The following ALK variants were observed in gnomAD, a reference collection of about 807,000 sequenced individuals.
ALK encodes ALK receptor tyrosine kinase.
A neutral mutation model predicts 163.1 loss-of-function variants in ALK; 74 were observed. That is an observed-to-expected ratio of 0.45 (90% CI 0.38 to 0.55). ALK has a LOEUF of 0.55. Ranked by LOEUF, ALK falls within the 20% of genes least tolerant of loss-of-function variation. The probability of loss-of-function intolerance (pLI) is 0.00; values close to 1 mark genes in which losing one functional copy is unlikely to be tolerated. For missense variants in ALK, 2,063 were observed against 2,105.3 expected, an observed-to-expected ratio of 0.98 and a Z score of 0.39; for synonymous variants, 960 against 843.2, an observed-to-expected ratio of 1.14 and a Z score of -2.40.
At chr2:29,844,952 A>G (rs2148397028) in intron 1 of ALK, among the ~76,000 whole-genome samples, 1 of 151,412 alleles carries the variant, frequency 6.6e-6, no homozygotes, top group South Asian at 2.1e-4. Context: ...CAGGCTGTGG[A>G]CCTCAACTCT....
chr2:29,601,552 G>A lies in ALK; in HGVS notation c.953-69436C>T, dbSNP rs1444201816. 2.0e-5 allele frequency among the ~76,000 whole-genome samples: 3 copies of A among 152,116 alleles called. No homozygotes were observed. The East Asian group carries it at 5.8e-4, about 29-fold the overall frequency. On this transcript the variant is annotated intron_variant, in intron 3 of 28. Transcript: ENST00000389048. The stretch of plus-strand genomic sequence containing the variant: ...CCATTAATCTTGGTGGAAGCATCAA[G>A]AGTACCAGTGGATTTTTTCTTCAGT...
intron 3 of ALK, among the ~76,000 whole-genome samples, chr2:29,645,310 A>C (rs1676840238): frequency 6.6e-6 from 1 of 152,090 alleles, no homozygotes; most frequent in African/African-American, 2.4e-5. Flanking sequence ...TACAAATATA[A>C]ATGAGGTGTC....
At chr2:29,835,905 A>G (rs1665545468) in intron 1 of ALK, among the ~76,000 whole-genome samples, 1 of 152,192 alleles carries the variant, frequency 6.6e-6, no homozygotes, top group African/African-American at 2.4e-5. Flanking sequence ...CTTTTTCTTT[A>G]CAAATCACCC....
chr2:29,327,081 G>A (rs574497845), intron 6 of ALK, among the ~76,000 whole-genome samples: 326 of 152,350 alleles, frequency 2.1e-3, no homozygotes, highest in African/African-American at 7.4e-3. Context: ...TTCTGGAAGC[G>A]TTGGTGGTTT....
At chr2:29,847,296 C>T (rs560925114) in intron 1 of ALK, among the ~76,000 whole-genome samples, 40 of 152,204 alleles carry the variant, frequency 2.6e-4, no homozygotes, top group African/African-American at 8.9e-4. Flanking sequence ...GTGGTAGGGA[C>T]GTGTTGACCC....
chr2:29,367,754 G>T (rs1427259560), intron 5 of ALK, among the ~76,000 whole-genome samples: 1 of 152,070 alleles, frequency 6.6e-6, no homozygotes, highest in Non-Finnish European at 1.5e-5. Flanking sequence ...TGTTATTATT[G>T]TCATTGCTGT....
intron 3 of ALK, among the ~76,000 whole-genome samples, chr2:29,612,084 T>C (rs989745431): frequency 6.6e-6 from 1 of 152,140 alleles, no homozygotes; most frequent in Non-Finnish European, 1.5e-5. Context: ...AGTGGCCGAC[T>C]TGGGACTTGA....
At chr2:29,785,105 G>A (rs1231904099) in intron 1 of ALK, among the ~76,000 whole-genome samples, 1 of 152,136 alleles carries the variant, frequency 6.6e-6, no homozygotes, top group Non-Finnish European at 1.5e-5. Flanking sequence ...GACATCCGGA[G>A]AGCTGGGCCT....
At position 29,563,337 on chromosome 2, in the gene ALK, A is replaced by G. The variant is rs1444688871; in HGVS notation, c.953-31221T>C. Among the ~76,000 whole-genome samples the G allele has an allele frequency of 2.0e-5, 3 of 152,340 alleles. No individual in the cohort carries two copies. In the East Asian group the frequency reaches 5.8e-4, roughly 29 times the overall value. On this transcript the variant is annotated intron_variant, in intron 3 of 28. Transcript: ENST00000389048. ...AGGATCACTAGATTCCACGGGGTGG[A>G]GAGTCTATATAGGAATTGGGAGAGG...
chr2:29,775,246 T>C (rs1681139477), intron 1 of ALK, among the ~76,000 whole-genome samples: 1 of 152,144 alleles, frequency 6.6e-6, no homozygotes, highest in Non-Finnish European at 1.5e-5. Flanking sequence ...GCCTTTAAAT[T>C]CCCTTCCAAC....
intron 4 of ALK, among the ~76,000 whole-genome samples, chr2:29,416,981 T>C (rs1044531922): frequency 8.7e-5 from 5 of 57,646 alleles, no homozygotes; most frequent in African/African-American, 2.2e-4. Flanking sequence ...GTTTGATGCT[T>C]TTTTTTTTTT....
At chr2:29,732,201 A>G (rs1679764026) in intron 1 of ALK, among the ~76,000 whole-genome samples, 4 of 152,244 alleles carry the variant, frequency 2.6e-5, no homozygotes, top group African/African-American at 7.2e-5. Context: ...TTCTTATCTC[A>G]GCAAAATGAC....
At position 29,896,237 on chromosome 2, in the gene ALK, C is replaced by T. The variant is rs150043999; in HGVS notation, c.667+23756G>A. Among the ~76,000 whole-genome samples the T allele has an allele frequency of 3.2e-3, 486 of 152,104 alleles. 4 individuals carry two copies. Among genetic ancestry groups the T allele is most frequent in the African/African-American group, 0.011 (466 of 41,508 alleles). ...GACATTTGAGTGGAGACTTAAGGTACGAAGAACATTTGCCAAGATGAAGAA... is the reference window on the plus strand; with the variant it reads ...GACATTTGAGTGGAGACTTAAGGTATGAAGAACATTTGCCAAGATGAAGAA... On this transcript the variant is annotated intron_variant, in intron 1 of 28. Transcript: ENST00000389048.
intron 6 of ALK, 27 bp downstream of exon 6, chr2:29,328,323 C>T (rs748335842): frequency 6.2e-7 from 1 of 1,613,946 alleles, no homozygotes. Flanking sequence ...TGGGCTCAGG[C>T]AGGGTGGGGC....
In ALK at chr2:29,702,061, C is replaced by G. The variant is rs141994909; in HGVS notation, c.788-7047G>C. 5.6e-3 allele frequency among the ~76,000 whole-genome samples: 856 copies of G among 152,104 alleles called. 11 individuals are homozygous for G. The highest frequency in any genetic ancestry group is 0.02 in the African/African-American group (811 of 41,484). ...TACGAGCTCCACAAGTGAGGCAGAGCTGACAGCCACTGACTCTGAAAGTAT... is the reference window on the plus strand; with the variant it reads ...TACGAGCTCCACAAGTGAGGCAGAGGTGACAGCCACTGACTCTGAAAGTAT... On this transcript the variant is annotated intron_variant, in intron 2 of 28. Transcript: ENST00000389048.
rs375835417 is a variant in ALK, at chr2:29,420,504, C to G, written c.1155-36645G>C. ...TCTGGTTGAGGACTGATTTTTCCTT[C>G]CAGCCTCCCCCACCCTGAGTTTGTG... On this transcript the variant is annotated intron_variant, in intron 4 of 28. Coordinates refer to ENST00000389048, the MANE Select transcript of ALK (RefSeq NM_004304.5). Among the ~76,000 whole-genome samples, 19 of 151,570 alleles carry G rather than the reference C, an allele frequency of 1.3e-4. 1 individual carries two copies. Among genetic ancestry groups the G allele is most frequent in the African/African-American group, 4.6e-4 (19 of 40,888 alleles).
intron 1 of ALK, among the ~76,000 whole-genome samples, chr2:29,843,648 A>G (rs772540394): frequency 6.6e-6 from 1 of 152,194 alleles, no homozygotes; most frequent in Non-Finnish European, 1.5e-5. Context: ...AGCTTTGCAA[A>G]GACCAAAGTG....
intron 2 of ALK, among the ~76,000 whole-genome samples, chr2:29,701,497 G>A (rs1392458883): frequency 6.6e-6 from 1 of 152,100 alleles, no homozygotes; most frequent in African/African-American, 2.4e-5. Context: ...CAGAATGAAA[G>A]GAAGAGTCAT....
At chr2:29,813,584 A>G (rs1449371601) in intron 1 of ALK, among the ~76,000 whole-genome samples, 1 of 152,214 alleles carries the variant, frequency 6.6e-6, no homozygotes, top group African/African-American at 2.4e-5. Context: ...GCATAAAAAT[A>G]AATTTCCTAG....
Sources: allele counts gnomAD v4.1 joint callset (sites outside exome capture counted in the v4.1 genomes callset), GRCh38; gene constraint gnomAD v4.1.1; transcripts MANE v1.5; gene names NCBI Gene and HGNC (gene_info 2026-07-23, HGNC 2026-07-21).